Variants in ESPN observed in about 807,000 individuals in gnomAD.
ESPN encodes the protein autosomal recessive deafness type 36 protein.
A neutral mutation model predicts 77.7 loss-of-function variants in ESPN; 68 were observed. The observed-to-expected ratio is 0.87, with a 90% CI of 0.72 to 1.07. ESPN has a LOEUF of 1.07. Ranked by LOEUF, ESPN falls within the 50% of genes least tolerant of loss-of-function variation. The probability of loss-of-function intolerance (pLI) is 0.00; values close to 1 mark genes in which losing one functional copy is unlikely to be tolerated. For synonymous variants in ESPN, 449 were observed against 567.1 expected (o/e 0.79, Z 2.96); for missense variants, 1,060 against 1,239.0 (o/e 0.86, Z 2.17).
intron 10 of ESPN, among the ~76,000 whole-genome samples, chr1:6,453,776 C>T (rs1332258632): frequency 6.6e-6 from 1 of 152,096 alleles, no homozygotes; most frequent in Non-Finnish European, 1.5e-5. Flanking sequence ...GAATCAGGGA[C>T]CTCTGTGGAG....
chr1:6,440,188 G>A, intron 2 of ESPN, 66 bp from the exon 3 acceptor site: 2 of 1,499,012 alleles, frequency 1.3e-6, no homozygotes, highest in Non-Finnish European at 1.8e-6. Flanking sequence ...CGGGATGGGG[G>A]CGGGTAAGAA....
At chr1:6,454,505 C>T (rs1644013922) in intron 10 of ESPN, 3 of 398,908 alleles carry the variant, frequency 7.5e-6, no homozygotes, top group Non-Finnish European at 1.3e-5. Context: ...ACGCCATCCT[C>T]GGGCCCTTTG....
rs527484517 is a variant in ESPN at position 6,456,152 on chromosome 1, C to A, written c.2326-1032C>A. On this transcript the variant is annotated intron_variant, in intron 10 of 12. Transcript: ENST00000645284. ...ACATCTGCCGCTACATCGACCGCAGCTTCTCCTTCTGGAAAGAGAAGGAGG... is the reference window on the plus strand; with the variant it reads ...ACATCTGCCGCTACATCGACCGCAGATTCTCCTTCTGGAAAGAGAAGGAGG... 1.1e-3 allele frequency: 430 copies of A among 399,582 alleles called. 1 individual carries two copies. The highest frequency in any genetic ancestry group is 1.1e-3 in the Non-Finnish European group (250 of 226,372). 24.8% of individuals were successfully genotyped at this position (399,582 alleles called of 1,614,324 possible).
chr1:6,453,411 T>TAACC (rs1467587834), intron 10 of ESPN, among the ~76,000 whole-genome samples: 5 of 152,234 alleles, frequency 3.3e-5, no homozygotes, highest in Non-Finnish European at 7.3e-5. Flanking sequence ...GGGGCAGCCC[T>TAACC]AACCGGCCAC....
In ESPN at chr1:6,460,003, GAGGAGGAGCGACAGAAGC is replaced by G; in HGVS notation, c.2432_2449del (p.Arg811_Glu816del). ...CCCCCCTCCCCACTGCCTCAGGAAAGAGGAGGAGCGACAGAAGCAGGAGGAGCTGCGGCGGGAGAAGGA... is the reference window on the plus strand; with the variant it reads ...CCCCCCTCCCCACTGCCTCAGGAAAGAGGAGGAGCTGCGGCGGGAGAAGGA... On this transcript the variant is annotated inframe_deletion, in exon 13 of 13. Coordinates refer to ENST00000645284, the MANE Select transcript of ESPN (RefSeq NM_031475.3). The G allele has an allele frequency of 1.2e-6, 2 of 1,613,616 alleles. No homozygotes were observed. The highest frequency in any genetic ancestry group is 1.1e-5 in the South Asian group (1 of 91,080).
At chr1:6,435,647 G>A (rs1455529857) in intron 2 of ESPN, among the ~76,000 whole-genome samples, 1 of 152,204 alleles carries the variant, frequency 6.6e-6, no homozygotes, top group Non-Finnish European at 1.5e-5. Flanking sequence ...GCTGGCAGGG[G>A]TCTGGGAGTC....
chr1:6,457,273 G>T lies in ESPN; in HGVS notation c.2405+10G>T. ...AGCTGGAAGAAGAGAGGTGAGCTGG[G>T]GGTCAGGCAGAGGCTGGCCTGGCAG... On this transcript the variant is annotated intron_variant, in intron 11 of 12. Coordinates refer to ENST00000645284, the MANE Select transcript of ESPN (RefSeq NM_031475.3). 6.2e-7 allele frequency: 1 copy of T among 1,614,174 alleles called. No homozygotes were observed. Among genetic ancestry groups the T allele is most frequent in the Non-Finnish European group, 8.5e-7 (1 of 1,179,982 alleles).
chr1:6,431,274 G>A (rs1643235640), intron 2 of ESPN, among the ~76,000 whole-genome samples: 1 of 152,182 alleles, frequency 6.6e-6, no homozygotes, highest in Non-Finnish European at 1.5e-5. Context: ...TTCCCCGAAA[G>A]CCTCCCCTAC....
chr1:6,435,868 C>A (rs1643418226), intron 2 of ESPN, among the ~76,000 whole-genome samples: 1 of 152,226 alleles, frequency 6.6e-6, no homozygotes, highest in South Asian at 2.1e-4. Flanking sequence ...AGGGCTCTGC[C>A]AGCACTTCTC....
In ESPN at chr1:6,460,064, G is replaced by C. The variant is rs778527940; in HGVS notation, c.2483G>C (p.Arg828Pro). The change falls in exon 13 of 13, where the codon CGG becomes CCG. Residue 828 changes from arginine (R) to proline (P), a missense_variant. This residue lies in a region of ESPN where 374 missense variants were observed against 381.4 expected (regional missense o/e 0.98). Coordinates refer to ENST00000645284, the MANE Select transcript of ESPN (RefSeq NM_031475.3). ...GAGAAGGAACAGTCAGAGAAGCTGC[G>C]GACGCTGGGCTACGATGAGAGCAAG... ...RREKEQSEKL[R>P]TLGYDESKLA... 1.2e-6 allele frequency: 2 copies of C among 1,613,558 alleles called. No individual in the cohort carries two copies. The highest frequency in any genetic ancestry group is 1.3e-5 in the African/African-American group (1 of 75,064).
chr1:6,460,238 C>T lies in ESPN; in HGVS notation c.*92C>T, dbSNP rs913023966. ...AGGCCCTGGTGGAAAGGCTGGGAGC[C>T]GCACAGCCCTCCCCTCCTGCGCTGG... On this transcript the variant is annotated 3_prime_UTR_variant, in exon 13 of 13. Transcript: ENST00000645284. The T allele has an allele frequency of 1.0e-5, 15 of 1,500,400 alleles. No homozygotes were observed. Among genetic ancestry groups the T allele is most frequent in the African/African-American group, 1.4e-5 (1 of 72,382 alleles). The allele number at this position is 1,500,400 out of a possible 1,614,324, so 92.9% of individuals were successfully genotyped here. A position where few individuals can be genotyped will look rare whatever the true frequency, so the allele number is the denominator to read the frequency against.
intron 10 of ESPN, chr1:6,454,796 G>C: frequency 2.5e-6 from 1 of 397,622 alleles, no homozygotes; most frequent in Non-Finnish European, 4.4e-6. Flanking sequence ...GCCGGCCTGC[G>C]CACCTGGCGG....
chr1:6,433,782 G>A (rs1002954849), intron 2 of ESPN, among the ~76,000 whole-genome samples: 4 of 152,008 alleles, frequency 2.6e-5, no homozygotes, highest in East Asian at 1.9e-4. Context: ...AGAGATACCC[G>A]CCTGCACCCT....
At chr1:6,454,441 C>G in intron 10 of ESPN, 1 of 398,986 alleles carries the variant, frequency 2.5e-6, no homozygotes, top group Non-Finnish European at 4.4e-6. Flanking sequence ...TAGCTGACGG[C>G]CGCCAGCTCG....
At chr1:6,455,188 C>T (rs1212295977) in intron 10 of ESPN, 7 of 388,394 alleles carry the variant, frequency 1.8e-5, no homozygotes, top group Non-Finnish European at 3.2e-5. Flanking sequence ...CGCCAGGCGG[C>T]GCTGCCTGAG....
At chr1:6,435,707 C>A (rs1254869020) in intron 2 of ESPN, among the ~76,000 whole-genome samples, 2 of 152,186 alleles carry the variant, frequency 1.3e-5, no homozygotes, top group Non-Finnish European at 2.9e-5. Flanking sequence ...GTGTTCCCCA[C>A]AACAGAAATG....
rs763880334 is a variant in ESPN, at chr1:6,428,627, G to A, written c.488+208G>A. On this transcript the variant is annotated intron_variant, in intron 2 of 12. Transcript: ENST00000645284. This position sits in a 1 kb window ranked among gnomAD's most constrained non-coding sequence, Gnocchi z 5.4. Reference sequence around the variant, plus strand: ...AACCCCTTCTGGGGCTGCCCCCAGAGCCCTGCAAGCAGGTGCTCCCAGCAT... The same window carrying A: ...AACCCCTTCTGGGGCTGCCCCCAGAACCCTGCAAGCAGGTGCTCCCAGCAT... 3.3e-5 allele frequency among the ~76,000 whole-genome samples: 5 copies of A among 152,164 alleles called. No individual in the cohort carries two copies. Among genetic ancestry groups the A allele is most frequent in the Admixed American group, 1.3e-4 (2 of 15,284 alleles).
Position 6,437,907 on chromosome 1 carries a change from G to A in ESPN, c.489-2347G>A, listed in dbSNP as rs1177107676. ...AGGGCACACGTGACAGGGGTCAGAAGAGGGGCTAAGTCGTGTTGGGAACAA... is the reference window on the plus strand; with the variant it reads ...AGGGCACACGTGACAGGGGTCAGAAAAGGGGCTAAGTCGTGTTGGGAACAA... On this transcript the variant is annotated intron_variant, in intron 2 of 12. Coordinates refer to ENST00000645284, the MANE Select transcript of ESPN (RefSeq NM_031475.3). This position sits in a 1 kb window ranked among gnomAD's most constrained non-coding sequence, Gnocchi z 4.5. 6.6e-6 allele frequency among the ~76,000 whole-genome samples: 1 copy of A among 151,768 alleles called. No homozygotes were observed. Among genetic ancestry groups the A allele is most frequent in the Non-Finnish European group, 1.5e-5 (1 of 67,948 alleles).
At position 6,451,227 on chromosome 1, in the gene ESPN, G is replaced by A; in HGVS notation, c.1916-376G>A. The A allele has an allele frequency of 2.7e-6, 1 of 368,026 alleles. No individual in the cohort carries two copies. The highest frequency in any genetic ancestry group is 5.2e-6 in the Non-Finnish European group (1 of 191,440). The allele number at this position is 368,026 out of a possible 1,614,324, so 22.8% of individuals were successfully genotyped here. On this transcript the variant is annotated intron_variant, in intron 8 of 12. Coordinates refer to ENST00000645284, the MANE Select transcript of ESPN (RefSeq NM_031475.3). The surrounding 1 kb of genome is among the most constrained non-coding windows in gnomAD (Gnocchi z 4.3). ...CAGAGGGAGGCTCCACCCCAGCCGG[G>A]CTGAGCCAGGGAACCTGGGACAAAG...
Sources: gnomAD v4.1 joint callset for allele counts (sites outside exome capture counted in the v4.1 genomes callset) on GRCh38, gnomAD v4.1.1 for gene constraint, gnomAD v4.1.1 regional missense constraint, Gnocchi (gnomAD v3.1) non-coding constraint, MANE v1.5 for transcripts, NCBI Gene and HGNC (gene_info 2026-07-23, HGNC 2026-07-21) for gene names.